Variants in TCERG1L observed in about 807,000 individuals in gnomAD.
TCERG1L encodes transcription elongation regulator 1 like.
A neutral mutation model predicts 56.3 loss-of-function variants in TCERG1L; 37 were observed. The observed-to-expected ratio is 0.66, with a 90% CI of 0.51 to 0.87. TCERG1L has a LOEUF of 0.87. Among genes scored for constraint, TCERG1L ranks in the 40% least tolerant of loss-of-function variants. TCERG1L has a pLI of 0.00. For missense variants in TCERG1L, 799 were observed against 774.2 expected (o/e 1.03, Z -0.38); for synonymous variants, 324 against 326.3 (o/e 0.99, Z 0.08).
intron 3 of TCERG1L, among the ~76,000 whole-genome samples, chr10:131,288,877 G>C (rs1403399348): frequency 6.6e-6 from 1 of 152,152 alleles, no homozygotes; most frequent in Non-Finnish European, 1.5e-5. Flanking sequence ...CGCCTCGAGC[G>C]GGAGCCAACC....
chr10:131,129,349 T>A (rs1364496020), intron 8 of TCERG1L, among the ~76,000 whole-genome samples: 1 of 152,242 alleles, frequency 6.6e-6, no homozygotes, highest in Non-Finnish European at 1.5e-5. Context: ...ACTATTATAT[T>A]CTAGAATATT....
intron 4 of TCERG1L, among the ~76,000 whole-genome samples, chr10:131,216,887 CG>C (rs1564818006): frequency 6.6e-6 from 1 of 152,128 alleles, no homozygotes; most frequent in African/African-American, 2.4e-5. Flanking sequence ...CAAGAGACCG[CG>C]GGGTGGTTCC....
At chr10:131,219,941 A>T (rs1323497338) in intron 4 of TCERG1L, among the ~76,000 whole-genome samples, 1 of 152,146 alleles carries the variant, frequency 6.6e-6, no homozygotes, top group Non-Finnish European at 1.5e-5. Context: ...GAAGCCTCCC[A>T]GGGCCTACCA....
At chr10:131,284,721 T>C (rs932552579) in intron 3 of TCERG1L, among the ~76,000 whole-genome samples, 1 of 152,108 alleles carries the variant, frequency 6.6e-6, no homozygotes, top group East Asian at 1.9e-4. Context: ...ACTATTATTA[T>C]AGCATATTAA....
At chr10:131,237,119 G>A (rs1347745723) in intron 4 of TCERG1L, among the ~76,000 whole-genome samples, 1 of 151,842 alleles carries the variant, frequency 6.6e-6, no homozygotes, top group African/African-American at 2.4e-5. Context: ...CTGTGAACAT[G>A]TCAGGCTCAC....
At chr10:131,301,088 A>G (rs1846757409) in intron 3 of TCERG1L, among the ~76,000 whole-genome samples, 1 of 152,000 alleles carries the variant, frequency 6.6e-6, no homozygotes, top group African/African-American at 2.4e-5. Context: ...AAGGATTCCT[A>G]TATGTCCCTC....
intron 4 of TCERG1L, among the ~76,000 whole-genome samples, chr10:131,214,038 G>A (rs377165302): frequency 1.2e-5 from 1 of 84,432 alleles, no homozygotes; most frequent in Admixed American, 1.3e-4. Flanking sequence ...TGTTACATAC[G>A]CACACACACA....
At chr10:131,220,648 A>G (rs1411992351) in intron 4 of TCERG1L, among the ~76,000 whole-genome samples, 1 of 152,070 alleles carries the variant, frequency 6.6e-6, no homozygotes, top group East Asian at 1.9e-4. Flanking sequence ...TGCTCCCAGG[A>G]CCCTGCCTCA....
intron 6 of TCERG1L, among the ~76,000 whole-genome samples, chr10:131,152,332 C>G (rs2894935): frequency 0.82 from 125,189 of 152,190 alleles, 53,008 homozygotes; most frequent in South Asian, 0.93. Context: ...CAGATCTCTA[C>G]GGCAAGGGCA....
intron 4 of TCERG1L, among the ~76,000 whole-genome samples, chr10:131,222,004 C>T (rs916364583): frequency 1.3e-5 from 2 of 152,192 alleles, no homozygotes; most frequent in East Asian, 1.9e-4. Flanking sequence ...AATTCCTATT[C>T]CTCCAGGGAG....
intron 3 of TCERG1L, among the ~76,000 whole-genome samples, chr10:131,292,856 ATT>A (rs34216280): frequency 2.8e-5 from 4 of 140,842 alleles, no homozygotes; most frequent in African/African-American, 2.7e-5. Context: ...TATTTCTGGG[ATT>A]TTTTTTTTTT....
intron 3 of TCERG1L, among the ~76,000 whole-genome samples, chr10:131,295,107 A>C (rs1846676419): frequency 6.6e-6 from 1 of 152,120 alleles, no homozygotes. Flanking sequence ...GAATGCCTTC[A>C]CTGGCATAAT....
At position 131,311,194 on chromosome 10, in the gene TCERG1L, G is replaced by A. The variant is rs1846890140; in HGVS notation, c.342+100C>T. ...TTGGGGCGGCGAGGACCGCCGGGGA[G>A]GAGGGCGCGCGAGCCGGAGGCCAGA... On this transcript the variant is annotated intron_variant, in intron 1 of 11. Coordinates refer to ENST00000368642, the MANE Select transcript of TCERG1L (RefSeq NM_174937.4). The surrounding 1 kb of genome is among the most constrained non-coding windows in gnomAD (Gnocchi z 4.0). The A allele has an allele frequency of 6.1e-6, 6 of 980,582 alleles. No homozygotes were observed. Among genetic ancestry groups the A allele is most frequent in the Non-Finnish European group, 6.4e-6 (5 of 777,504 alleles). The allele number at this position is 980,582 out of a possible 1,614,324, so 60.7% of individuals were successfully genotyped here.
chr10:131,152,432 G>C (rs1332522023), intron 6 of TCERG1L, among the ~76,000 whole-genome samples: 6 of 152,162 alleles, frequency 3.9e-5, no homozygotes, highest in African/African-American at 1.4e-4. Context: ...GACCACCTCA[G>C]CCTGGACTTC....
intron 4 of TCERG1L, among the ~76,000 whole-genome samples, chr10:131,225,518 A>G (rs1845782064): frequency 6.6e-6 from 1 of 152,174 alleles, no homozygotes; most frequent in East Asian, 1.9e-4. Context: ...TGGCATCCAC[A>G]TTTCTGGATT....
chr10:131,098,281 A>G (rs1169212834), intron 11 of TCERG1L, 25 bp downstream of exon 11: 1 of 1,546,694 alleles, frequency 6.5e-7, no homozygotes, highest in Non-Finnish European at 8.7e-7. Context: ...CCCAGAAATC[A>G]TCCGGTATAT....
chr10:131,121,642 C>T (rs567727579), intron 8 of TCERG1L, among the ~76,000 whole-genome samples: 13 of 152,350 alleles, frequency 8.5e-5, no homozygotes, highest in African/African-American at 2.6e-4. Flanking sequence ...GCCCTGCAGA[C>T]GGACGGCTCC....
chr10:131,174,183 C>T (rs546743693), intron 4 of TCERG1L, among the ~76,000 whole-genome samples: 4 of 152,316 alleles, frequency 2.6e-5, no homozygotes, highest in Non-Finnish European at 5.9e-5. Flanking sequence ...TATGAGGCCA[C>T]AGTCAGATGC....
chr10:131,136,894 C>G (rs1462062214), intron 7 of TCERG1L, among the ~76,000 whole-genome samples: 1 of 151,822 alleles, frequency 6.6e-6, no homozygotes, highest in African/African-American at 2.4e-5. Context: ...GTAATCCCAG[C>G]ACTTTGGGAG....
Sources: allele counts gnomAD v4.1 joint callset (sites outside exome capture counted in the v4.1 genomes callset), GRCh38; gene constraint gnomAD v4.1.1; non-coding constraint Gnocchi (gnomAD v3.1); transcripts MANE v1.5; gene names NCBI Gene and HGNC (gene_info 2026-07-23, HGNC 2026-07-21).